TNFAIP8: variants seen among roughly 807,000 people sequenced by gnomAD.
The protein encoded by TNFAIP8 is tumor necrosis factor alpha-induced protein 8.
Under a neutral mutation model 13.3 loss-of-function variants are expected in TNFAIP8, and 7 were observed. The ratio of observed to expected loss-of-function variants is 0.52; its 90% CI spans 0.30 to 0.99. TNFAIP8 has a LOEUF of 0.99. Ranked by LOEUF, TNFAIP8 falls within the 50% of genes least tolerant of loss-of-function variation. The pLI, the probability that TNFAIP8 is intolerant of heterozygous loss-of-function variation, is 0.07. For synonymous variants in TNFAIP8, 94 were observed against 87.6 expected, an observed-to-expected ratio of 1.07 and a Z score of -0.41; for missense variants, 258 against 236.9, an observed-to-expected ratio of 1.09 and a Z score of -0.58.
intron 1 of TNFAIP8, among the ~76,000 whole-genome samples, chr5:119,376,055 A>G (rs1752265592): frequency 6.6e-6 from 1 of 152,086 alleles, no homozygotes; most frequent in African/African-American, 2.4e-5. Flanking sequence ...TAGAATAAAC[A>G]CTTTCCACCC....
chr5:119,375,394 AGGTGGG>A (rs1285406850), intron 1 of TNFAIP8, among the ~76,000 whole-genome samples: 1 of 152,192 alleles, frequency 6.6e-6, no homozygotes, highest in Admixed American at 6.5e-5. Context: ...CAGCTACGAA[AGGTGGG>A]GGCTGCTCAA....
intron 1 of TNFAIP8, among the ~76,000 whole-genome samples, chr5:119,373,415 C>A (rs777029730): frequency 1.3e-5 from 2 of 152,076 alleles, no homozygotes; most frequent in Non-Finnish European, 2.9e-5. Context: ...CTTTCCTCAC[C>A]GGGACGTCAA....
At chr5:119,282,275 T>C (rs1748655323) in intron 1 of TNFAIP8, among the ~76,000 whole-genome samples, 1 of 53,154 alleles carries the variant, frequency 1.9e-5, no homozygotes, top group Admixed American at 2.8e-4. Context: ...CTGGACCTTG[T>C]AAAGAGTTCA....
chr5:119,338,679 C>A (rs1230968593), intron 1 of TNFAIP8, among the ~76,000 whole-genome samples: 1 of 152,216 alleles, frequency 6.6e-6, no homozygotes, highest in Non-Finnish European at 1.5e-5. Context: ...ATGCACTATT[C>A]CTCCTTAGCT....
intron 1 of TNFAIP8, among the ~76,000 whole-genome samples, chr5:119,285,176 G>A (rs145281396): frequency 7.2e-5 from 11 of 152,098 alleles, no homozygotes; most frequent in African/African-American, 2.4e-4. Context: ...GCGAGCAGGC[G>A]AGCAGACTGG....
chr5:119,355,309 G>T (rs1470823791), upstream of TNFAIP8: 4 of 701,782 alleles, frequency 5.7e-6, no homozygotes, highest in Non-Finnish European at 1.0e-5. Flanking sequence ...AGCAATGAGT[G>T]CCCGGGCTGT....
intron 1 of TNFAIP8, among the ~76,000 whole-genome samples, chr5:119,358,323 A>G (rs1751513804): frequency 6.6e-6 from 1 of 152,276 alleles, no homozygotes; most frequent in Non-Finnish European, 1.5e-5. Flanking sequence ...ATTTTTGCAT[A>G]TGCGTGAATG....
In TNFAIP8 at chr5:119,356,127, A is replaced by C; in HGVS notation, c.31+6A>C. 6.3e-7 allele frequency: 1 copy of C among 1,582,594 alleles called. No individual in the cohort carries two copies. Among genetic ancestry groups the C allele is most frequent in the Non-Finnish European group, 8.6e-7 (1 of 1,162,030 alleles). ...AGCAGAAGAATCCAAGGAAGGTAGG[A>C]TTCTGGTTTCTCCTGGGGGCCGGCC... On this transcript the variant is annotated splice_donor_region_variant and intron_variant, in intron 1 of 1. Coordinates refer to ENST00000504771, the MANE Select transcript of TNFAIP8 (RefSeq NM_014350.4).
intron 1 of TNFAIP8, among the ~76,000 whole-genome samples, chr5:119,378,799 C>A (rs1018857769): frequency 1.3e-5 from 2 of 152,180 alleles, no homozygotes; most frequent in South Asian, 4.1e-4. Context: ...GGTGGCTGGG[C>A]GCAGTGGTTC....
At chr5:119,341,756 G>C (rs937859195) in intron 1 of TNFAIP8, among the ~76,000 whole-genome samples, 22 of 152,094 alleles carry the variant, frequency 1.4e-4, no homozygotes, top group Admixed American at 1.3e-3. Flanking sequence ...GAGAAGTAGA[G>C]ATGGAAATCT....
chr5:119,356,200 G>C (rs1468337802), intron 1 of TNFAIP8, 79 bp downstream of exon 1: 2 of 1,307,300 alleles, frequency 1.5e-6, no homozygotes, highest in Non-Finnish European at 2.1e-6. Context: ...AAGAGGATGG[G>C]AGTTTTAAAG....
intron 1 of TNFAIP8, among the ~76,000 whole-genome samples, chr5:119,315,428 T>C (rs940996454): frequency 2.6e-5 from 4 of 152,168 alleles, no homozygotes; most frequent in Non-Finnish European, 5.9e-5. Flanking sequence ...AGAAGAATCC[T>C]TATTATGTGT....
intron 1 of TNFAIP8, chr5:119,306,668 A>T (rs1253764906): frequency 1.3e-5 from 2 of 152,016 alleles, no homozygotes; most frequent in African/African-American, 4.8e-5. Context: ...ATGTTTTTTA[A>T]TGAATAAAAA....
chr5:119,346,820 G>T (rs1239529489), intron 1 of TNFAIP8, among the ~76,000 whole-genome samples: 1 of 152,202 alleles, frequency 6.6e-6, no homozygotes, highest in African/African-American at 2.4e-5. Context: ...GTGCCCTGAG[G>T]TACACTGGCA....
At chr5:119,380,041 A>G (rs1298352672) in intron 1 of TNFAIP8, among the ~76,000 whole-genome samples, 1 of 152,208 alleles carries the variant, frequency 6.6e-6, no homozygotes, top group East Asian at 1.9e-4. Flanking sequence ...CACTTTTCTT[A>G]TAGAGCAGCT....
intron 1 of TNFAIP8, among the ~76,000 whole-genome samples, chr5:119,274,820 C>G (rs1260067702): frequency 6.6e-6 from 1 of 152,164 alleles, no homozygotes; most frequent in Non-Finnish European, 1.5e-5. Context: ...AAACTTTGAA[C>G]TTATCCAATG....
rs183819429 is a variant in TNFAIP8, at chr5:119,384,408, G to A, written c.32-8408G>A. ...TGAGGCAGGACAGTTGCTTGAAGCC[G>A]GGGGGTGGAGGTTGCATTGAGCCGA... On this transcript the variant is annotated intron_variant, in intron 1 of 1. Coordinates refer to ENST00000504771, the MANE Select transcript of TNFAIP8 (RefSeq NM_014350.4). Among the ~76,000 whole-genome samples the A allele has an allele frequency of 5.1e-4, 78 of 152,088 alleles. 1 individual carries two copies. Among genetic ancestry groups the A allele is most frequent in the Admixed American group, 1.2e-3 (19 of 15,278 alleles).
intron 1 of TNFAIP8, among the ~76,000 whole-genome samples, chr5:119,306,901 A>G (rs1197907742): frequency 6.6e-6 from 1 of 152,238 alleles, no homozygotes; most frequent in Non-Finnish European, 1.5e-5. Flanking sequence ...TACAGTTAAA[A>G]GTAGCTTCCC....
At position 119,373,639 on chromosome 5, in the gene TNFAIP8, G is replaced by C. The variant is rs550163404; in HGVS notation, c.31+17518G>C. ...GAGATCTTTGAGGCAGAACTGTTGA[G>C]ACGGAAGGGATTGGCATGAAGCTTT... On this transcript the variant is annotated intron_variant, in intron 1 of 1. Transcript: ENST00000504771. Among the ~76,000 whole-genome samples the C allele has an allele frequency of 4.9e-4, 74 of 152,348 alleles. 3 individuals carry two copies. The South Asian group carries it at 0.014, about 30-fold the overall frequency.
Sources: gnomAD v4.1 joint callset for allele counts (sites outside exome capture counted in the v4.1 genomes callset) on GRCh38, gnomAD v4.1.1 for gene constraint, MANE v1.5 for transcripts, NCBI Gene and HGNC (gene_info 2026-07-23, HGNC 2026-07-21) for gene names.